Variants in ALK observed in about 807,000 individuals in gnomAD.
ALK encodes the protein ALK receptor tyrosine kinase.
In ALK, 74 loss-of-function variants were observed where a neutral mutation model predicts 163.1. The observed-to-expected ratio is 0.45, with a 90% CI of 0.38 to 0.55. ALK has a LOEUF of 0.55. Among genes scored for constraint, ALK ranks in the 20% least tolerant of loss-of-function variants. The probability of loss-of-function intolerance (pLI) is 0.00; values close to 1 mark genes in which losing one functional copy is unlikely to be tolerated. For missense variants in ALK, 2,063 were observed against 2,105.3 expected (o/e 0.98, Z 0.39); for synonymous variants, 960 against 843.2 (o/e 1.14, Z -2.40).
At chr2:29,435,556 T>G (rs1049907718) in intron 4 of ALK, among the ~76,000 whole-genome samples, 1 of 151,696 alleles carries the variant, frequency 6.6e-6, no homozygotes, top group Non-Finnish European at 1.5e-5. Context: ...CCTCTCCCAA[T>G]CTTTTTCCTG....
chr2:29,372,804 C>G (rs1668668677), intron 5 of ALK, among the ~76,000 whole-genome samples: 1 of 152,278 alleles, frequency 6.6e-6, no homozygotes, highest in Middle Eastern at 3.4e-3. Flanking sequence ...TCCTTATGAC[C>G]TCTAATGTTG....
intron 3 of ALK, among the ~76,000 whole-genome samples, chr2:29,550,021 A>G (rs533947998): frequency 3.9e-4 from 60 of 152,258 alleles, no homozygotes; most frequent in African/African-American, 1.4e-3. Context: ...CCCTTTACAA[A>G]TCTATGGCTC....
Position 29,888,890 on chromosome 2 carries a change from C to T in ALK, c.667+31103G>A, listed in dbSNP as rs557828871. On this transcript the variant is annotated intron_variant, in intron 1 of 28. Coordinates refer to ENST00000389048, the MANE Select transcript of ALK (RefSeq NM_004304.5). ...ATTTCCTTCTGACTCCTGGGGAACT[C>T]GCTGTTGGTGTAAAAGTGGAATTTT... Among the ~76,000 whole-genome samples, 6 of 152,212 alleles carry T rather than the reference C, an allele frequency of 3.9e-5. No homozygotes were observed. In the South Asian group the frequency reaches 6.2e-4, roughly 16 times the overall value.
intron 9 of ALK, among the ~76,000 whole-genome samples, chr2:29,293,559 A>G (rs996721242): frequency 1.3e-4 from 20 of 152,188 alleles, no homozygotes; most frequent in Non-Finnish European, 1.5e-4. Flanking sequence ...AGTAGTATTT[A>G]GAGAGATGGA....
At chr2:29,234,601 C>G (rs575998799) in intron 13 of ALK, among the ~76,000 whole-genome samples, 1 of 152,120 alleles carries the variant, frequency 6.6e-6, no homozygotes, top group Non-Finnish European at 1.5e-5. Context: ...TCCACCCACC[C>G]TGGGAAACTG....
chr2:29,474,311 A>G (rs865834444), intron 4 of ALK, among the ~76,000 whole-genome samples: 1 of 152,204 alleles, frequency 6.6e-6, no homozygotes, highest in African/African-American at 2.4e-5. Flanking sequence ...TCAAATAGTA[A>G]TGATCTTTAA....
chr2:29,597,012 T>C (rs1391069193), intron 3 of ALK, among the ~76,000 whole-genome samples: 1 of 152,258 alleles, frequency 6.6e-6, no homozygotes, highest in Non-Finnish European at 1.5e-5. Context: ...GGGTCTTTAG[T>C]TGGTGTGACT....
At chr2:29,291,081 G>T (rs1666009425) in intron 9 of ALK, among the ~76,000 whole-genome samples, 1 of 152,200 alleles carries the variant, frequency 6.6e-6, no homozygotes, top group South Asian at 2.1e-4. Flanking sequence ...AATGGCTATT[G>T]ACCAGGTGCG....
intron 5 of ALK, among the ~76,000 whole-genome samples, chr2:29,354,913 C>G (rs182806370): frequency 1.9e-3 from 291 of 152,170 alleles, no homozygotes; most frequent in African/African-American, 6.6e-3. Context: ...ACTACAGGTG[C>G]CTGCCACCGC....
chr2:29,368,128 A>G (rs1020466185), intron 5 of ALK, among the ~76,000 whole-genome samples: 1 of 152,226 alleles, frequency 6.6e-6, no homozygotes, highest in Non-Finnish European at 1.5e-5. Context: ...AACAGACGCT[A>G]AAGTCAAATA....
At chr2:29,225,651 G>T in intron 18 of ALK, 86 bp from the exon 19 acceptor site, 3 of 1,152,590 alleles carry the variant, frequency 2.6e-6, no homozygotes, top group Non-Finnish European at 3.8e-6. Context: ...CTCCCCCACT[G>T]AGACAAAAAC....
At chr2:29,476,686 G>A (rs1029916272) in intron 4 of ALK, among the ~76,000 whole-genome samples, 31 of 152,002 alleles carry the variant, frequency 2.0e-4, no homozygotes, top group Non-Finnish European at 3.4e-4. Flanking sequence ...AGGGAAGTGT[G>A]CTGCATGGGC....
At chr2:29,727,277 C>T (rs538776372) in intron 1 of ALK, among the ~76,000 whole-genome samples, 2 of 152,334 alleles carry the variant, frequency 1.3e-5, no homozygotes, top group South Asian at 2.1e-4. Context: ...ACACTTTCTC[C>T]TAACTTCCAG....
At chr2:29,758,533 T>G (rs1385148042) in intron 1 of ALK, among the ~76,000 whole-genome samples, 1 of 152,192 alleles carries the variant, frequency 6.6e-6, no homozygotes, top group Non-Finnish European at 1.5e-5. Context: ...ACAGGATTTG[T>G]ACCTTGTAGA....
intron 4 of ALK, among the ~76,000 whole-genome samples, chr2:29,462,606 C>T (rs932483481): frequency 6.6e-6 from 1 of 152,162 alleles, no homozygotes; most frequent in Non-Finnish European, 1.5e-5. Context: ...AATGCTATTG[C>T]ACACTTAGTA....
chr2:29,625,364 G>A (rs1676162227), intron 3 of ALK, among the ~76,000 whole-genome samples: 1 of 152,170 alleles, frequency 6.6e-6, no homozygotes, highest in African/African-American at 2.4e-5. Flanking sequence ...TAGTATTTAT[G>A]TATATGTGCG....
rs1668004028 is a variant in ALK at position 29,921,494 on chromosome 2, G to T, written c.-835C>A. On this transcript the variant is annotated 5_prime_UTR_variant, in exon 1 of 29. Transcript: ENST00000389048. ...TGGCCGACCAGAGGGCGGCCGGAAA[G>T]CACCTCGGTGCCCCGCGACCCTCCG... 3 of 232,090 alleles carry T rather than the reference G, an allele frequency of 1.3e-5. No individual in the cohort carries two copies. The highest frequency in any genetic ancestry group is 3.6e-4 in the South Asian group (2 of 5,518). 14.4% of individuals were successfully genotyped at this position (232,090 alleles called of 1,614,324 possible). A position where few individuals can be genotyped will look rare whatever the true frequency, so the allele number is the denominator to read the frequency against.
intron 1 of ALK, among the ~76,000 whole-genome samples, chr2:29,754,305 C>T (rs1680453871): frequency 6.6e-6 from 1 of 152,148 alleles, no homozygotes; most frequent in African/African-American, 2.4e-5. Flanking sequence ...CAGCCTTTCT[C>T]CCTGCCTGCA....
At chr2:29,535,919 C>T (rs890330181) in intron 3 of ALK, among the ~76,000 whole-genome samples, 3 of 152,182 alleles carry the variant, frequency 2.0e-5, no homozygotes, top group African/African-American at 7.2e-5. Flanking sequence ...TGGCCAAATA[C>T]TCCATGAACT....
Sources: allele counts gnomAD v4.1 joint callset (sites outside exome capture counted in the v4.1 genomes callset), GRCh38; gene constraint gnomAD v4.1.1; transcripts MANE v1.5; gene names NCBI Gene and HGNC (gene_info 2026-07-23, HGNC 2026-07-21).